The following VIT variants were observed in gnomAD, a reference collection of about 807,000 sequenced individuals.
VIT encodes vitrin.
A neutral mutation model predicts 78.0 loss-of-function variants in VIT; 99 were observed. The observed-to-expected ratio is 1.27, with a 90% CI of 1.08 to 1.50. The LOEUF is 1.50. Among genes scored for constraint, VIT ranks in the 40% most tolerant of loss-of-function variants. The pLI is 0.00. For missense variants in VIT, 1,126 were observed against 875.3 expected (o/e 1.29, Z -3.61); for synonymous variants, 374 against 334.3 (o/e 1.12, Z -1.29).
chr2:36,708,110 T>TCCCCCCCCCCCC (rs141908586), intron 1 of VIT, among the ~76,000 whole-genome samples: 43 of 137,736 alleles, frequency 3.1e-4, no homozygotes, highest in Non-Finnish European at 5.5e-4. Context: ...GTAAAGGACC[T>TCCCCCCCCCCCC]CCCCCCCCCG....
At chr2:36,752,571 G>A (rs566758289) in intron 4 of VIT, among the ~76,000 whole-genome samples, 4 of 152,300 alleles carry the variant, frequency 2.6e-5, no homozygotes, top group Non-Finnish European at 4.4e-5. Context: ...CAAATGATGA[G>A]GTGGTATTTA....
chr2:36,730,559 T>A (rs1474884907), intron 3 of VIT, among the ~76,000 whole-genome samples: 1 of 152,198 alleles, frequency 6.6e-6, no homozygotes, highest in African/African-American at 2.4e-5. Context: ...ATTTTTCTTC[T>A]CAGTCATTTT....
At chr2:36,745,659 T>C (rs1668093172) in intron 4 of VIT, among the ~76,000 whole-genome samples, 1 of 152,210 alleles carries the variant, frequency 6.6e-6, no homozygotes, top group South Asian at 2.1e-4. Flanking sequence ...ATCGGTTTTG[T>C]ATTCGGAAAA....
intron 12 of VIT, among the ~76,000 whole-genome samples, chr2:36,796,813 A>G (rs1371652974): frequency 1.3e-5 from 2 of 152,058 alleles, no homozygotes; most frequent in Non-Finnish European, 1.5e-5. Context: ...TTTTTAAATT[A>G]TTTGTCGATG....
chr2:36,761,846 T>C (rs1669142697), intron 6 of VIT, among the ~76,000 whole-genome samples: 1 of 152,220 alleles, frequency 6.6e-6, no homozygotes, highest in South Asian at 2.1e-4. Context: ...TGTAGTCGTC[T>C]GTCCAGTACT....
At chr2:36,734,840 C>G (rs961502773) in intron 3 of VIT, among the ~76,000 whole-genome samples, 1 of 152,028 alleles carries the variant, frequency 6.6e-6, no homozygotes, top group African/African-American at 2.4e-5. Context: ...GGTGGGGGGG[C>G]CCTTTGGACC....
At chr2:36,794,608 C>G (rs961539153) in intron 12 of VIT, among the ~76,000 whole-genome samples, 1 of 152,192 alleles carries the variant, frequency 6.6e-6, no homozygotes, top group Non-Finnish European at 1.5e-5. Context: ...TTGCCATGTA[C>G]TGCGCCCTTG....
chr2:36,761,076 G>A (rs193016454), intron 6 of VIT, among the ~76,000 whole-genome samples: 45 of 152,202 alleles, frequency 3.0e-4, no homozygotes, highest in Admixed American at 1.0e-3. Flanking sequence ...AGCACTTCTA[G>A]ACTCCCAGAA....
At chr2:36,803,734 G>A (rs1666498070) in intron 13 of VIT, among the ~76,000 whole-genome samples, 1 of 152,194 alleles carries the variant, frequency 6.6e-6, no homozygotes, top group African/African-American at 2.4e-5. Context: ...GTGGAGACAG[G>A]ATGCTGGCCA....
intron 5 of VIT, among the ~76,000 whole-genome samples, chr2:36,756,749 A>C (rs1367939660): frequency 3.3e-5 from 5 of 152,188 alleles, no homozygotes. Flanking sequence ...TAAAAATGCT[A>C]ATGTCTCGAA....
chr2:36,804,366 C>G (rs1258986038), intron 13 of VIT, among the ~76,000 whole-genome samples: 1 of 152,236 alleles, frequency 6.6e-6, no homozygotes, highest in Non-Finnish European at 1.5e-5. Flanking sequence ...GACCCCAGAA[C>G]ACAGCTCTGT....
In VIT at chr2:36,775,072, G is replaced by T. The variant is rs1197284757; in HGVS notation, c.802+5G>T. 9 of 1,613,514 alleles carry T rather than the reference G, an allele frequency of 5.6e-6. No individual in the cohort carries two copies. Among genetic ancestry groups the T allele is most frequent in the Non-Finnish European group, 7.6e-6 (9 of 1,179,952 alleles). On this transcript the variant is annotated splice_donor_5th_base_variant and intron_variant, in intron 9 of 15. Transcript: ENST00000379242. ...TTGGAGCGGATGTCAGCCTGGGTAA[G>T]CTGCCCACTGCTTACCATCTCTGCT...
chr2:36,786,473 C>G (rs1224756530), intron 11 of VIT, among the ~76,000 whole-genome samples: 5 of 152,114 alleles, frequency 3.3e-5, no homozygotes, highest in Admixed American at 1.3e-4. Context: ...CATATATCCA[C>G]AGAGATCCAG....
intron 11 of VIT, among the ~76,000 whole-genome samples, chr2:36,785,146 G>A (rs1457832030): frequency 6.6e-6 from 1 of 152,148 alleles, no homozygotes. Flanking sequence ...ATTAACACTT[G>A]TTCCCAAAAA....
chr2:36,722,821 T>C (rs941421261), intron 2 of VIT, among the ~76,000 whole-genome samples: 9 of 152,310 alleles, frequency 5.9e-5, no homozygotes, highest in Non-Finnish European at 1.2e-4. Flanking sequence ...ACAGGAAAAC[T>C]GGAAAACATG....
chr2:36,809,033 G>C (rs1360084531), intron 15 of VIT, 48 bp downstream of exon 15: 2 of 1,521,644 alleles, frequency 1.3e-6, no homozygotes, highest in East Asian at 2.3e-5. Context: ...GCTTTCTGGG[G>C]CTTGGTGGGC....
chr2:36,759,493 C>T, intron 6 of VIT: 1 of 1,182,126 alleles, frequency 8.5e-7, no homozygotes, highest in Non-Finnish European at 1.1e-6. Context: ...CAAAAATACA[C>T]TGTCTACAAG....
intron 12 of VIT, chr2:36,788,142 T>C (rs898791057): frequency 9.0e-6 from 2 of 223,000 alleles, no homozygotes; most frequent in African/African-American, 4.7e-5. Context: ...TATCATGCCT[T>C]CTACAAAGGA....
intron 3 of VIT, among the ~76,000 whole-genome samples, chr2:36,731,617 C>T (rs1404769111): frequency 6.6e-6 from 1 of 152,040 alleles, no homozygotes; most frequent in Non-Finnish European, 1.5e-5. Context: ...AAAGTAAGGG[C>T]TATTATTACT....
Sources: allele counts gnomAD v4.1 joint callset (sites outside exome capture counted in the v4.1 genomes callset), GRCh38; gene constraint gnomAD v4.1.1; transcripts MANE v1.5; gene names NCBI Gene and HGNC (gene_info 2026-07-23, HGNC 2026-07-21).